RBMS3: variants seen among roughly 807,000 people sequenced by gnomAD.
RBMS3 encodes RNA-binding motif, single-stranded-interacting protein 3.
Under a neutral mutation model 66.8 loss-of-function variants are expected in RBMS3, and 27 were observed. The ratio of observed to expected loss-of-function variants is 0.40; its 90% CI spans 0.30 to 0.56. RBMS3 has a LOEUF of 0.56. Among genes scored for constraint, RBMS3 ranks in the 20% least tolerant of loss-of-function variants. RBMS3 has a pLI of 0.40. For missense variants in RBMS3, 513 were observed against 549.5 expected, an observed-to-expected ratio of 0.93 and a Z score of 0.66; for synonymous variants, 188 against 183.0, an observed-to-expected ratio of 1.03 and a Z score of -0.22.
intron 6 of RBMS3, among the ~76,000 whole-genome samples, chr3:29,780,776 A>G (rs1184633017): frequency 6.6e-6 from 1 of 152,118 alleles, no homozygotes; most frequent in Non-Finnish European, 1.5e-5. Context: ...AATCCTTATA[A>G]TACATCTTAT....
At chr3:29,326,312 T>C (rs998710692) in intron 1 of RBMS3, among the ~76,000 whole-genome samples, 1 of 152,160 alleles carries the variant, frequency 6.6e-6, no homozygotes, top group East Asian at 1.9e-4. Context: ...ACCTGTTCTT[T>C]CCCCAAATTA....
At chr3:29,921,360 T>C (rs2149655611) in intron 10 of RBMS3, among the ~76,000 whole-genome samples, 1 of 151,658 alleles carries the variant, frequency 6.6e-6, no homozygotes, top group Non-Finnish European at 1.5e-5. Flanking sequence ...CCGCAGCACC[T>C]GGTTTAGTTT....
intron 10 of RBMS3, among the ~76,000 whole-genome samples, chr3:29,934,519 A>G (rs2061215701): frequency 6.6e-6 from 1 of 152,174 alleles, no homozygotes; most frequent in Admixed American, 6.6e-5. Flanking sequence ...AGCAGAAAGA[A>G]AAGTGATGTG....
intron 1 of RBMS3, among the ~76,000 whole-genome samples, chr3:29,392,528 T>C (rs1182616195): frequency 6.6e-6 from 1 of 152,196 alleles, no homozygotes; most frequent in Admixed American, 6.5e-5. Context: ...AATTAATACA[T>C]TAATGAAATA....
intron 14 of RBMS3, 23 bp from the exon 15 acceptor site, chr3:30,003,833 C>G: frequency 7.1e-7 from 1 of 1,417,550 alleles, no homozygotes; most frequent in Non-Finnish European, 9.3e-7. Flanking sequence ...TTAATGACCA[C>G]TCTTATTCAA....
intron 14 of RBMS3, 94 bp downstream of exon 14, chr3:29,991,303 A>T: frequency 6.4e-7 from 1 of 1,555,024 alleles, no homozygotes; most frequent in Non-Finnish European, 8.7e-7. Flanking sequence ...CTGAAATATA[A>T]ACCATCCCAA....
intron 4 of RBMS3, among the ~76,000 whole-genome samples, chr3:29,736,988 T>C (rs1251284932): frequency 6.6e-6 from 1 of 151,910 alleles, no homozygotes; most frequent in East Asian, 1.9e-4. Context: ...CACAAAGTGT[T>C]TTTTTTTTGA....
intron 5 of RBMS3, among the ~76,000 whole-genome samples, chr3:29,752,262 G>A (rs935088765): frequency 1.3e-5 from 2 of 152,274 alleles, no homozygotes; most frequent in Middle Eastern, 3.4e-3. Flanking sequence ...AAGTCAAGCT[G>A]CTTCTTTCTA....
At chr3:29,826,231 T>C (rs1365989546) in intron 6 of RBMS3, among the ~76,000 whole-genome samples, 2 of 152,198 alleles carry the variant, frequency 1.3e-5, no homozygotes, top group African/African-American at 2.4e-5. Flanking sequence ...TTGCAACTTA[T>C]GCCTTTATAA....
At chr3:29,427,803 C>T (rs574077526) in intron 1 of RBMS3, among the ~76,000 whole-genome samples, 2 of 152,188 alleles carry the variant, frequency 1.3e-5, no homozygotes, top group South Asian at 4.1e-4. Context: ...ACTCCAAAAC[C>T]ACCAGACCAA....
chr3:29,697,932 C>G (rs895491644), intron 4 of RBMS3, among the ~76,000 whole-genome samples: 1 of 152,262 alleles, frequency 6.6e-6, no homozygotes, highest in Non-Finnish European at 1.5e-5. Context: ...TAAGTACTCT[C>G]CTGCCTGATA....
At chr3:29,680,796 C>T (rs539235425) in intron 4 of RBMS3, among the ~76,000 whole-genome samples, 1 of 152,260 alleles carries the variant, frequency 6.6e-6, no homozygotes, top group African/African-American at 2.4e-5. Context: ...CACTTCTAAA[C>T]ATTCAGCATG....
chr3:29,880,639 G>A, intron 7 of RBMS3: 1 of 706,118 alleles, frequency 1.4e-6, no homozygotes, highest in South Asian at 1.7e-5. Flanking sequence ...GTGTATCCAA[G>A]TGTTAGTTAT....
chr3:29,701,808 C>T (rs1030422986), intron 4 of RBMS3, among the ~76,000 whole-genome samples: 6 of 151,718 alleles, frequency 4.0e-5, no homozygotes, highest in Non-Finnish European at 7.4e-5. Context: ...TGTCTCCCAG[C>T]GGGGCAGGGC....
chr3:29,899,666 A>G (rs1055829989), intron 9 of RBMS3, 39 bp from the exon 10 acceptor site: 6 of 1,590,322 alleles, frequency 3.8e-6, no homozygotes, highest in Non-Finnish European at 5.2e-6. Context: ...AGTTCTCTCT[A>G]TGATTGCTTT....
intron 2 of RBMS3, among the ~76,000 whole-genome samples, chr3:29,465,313 T>C (rs12636760): frequency 0.22 from 33,101 of 152,130 alleles, 4,058 homozygotes; most frequent in Admixed American, 0.29. Flanking sequence ...GTGTAATGCT[T>C]GAGCATTAGT....
chr3:29,807,648 G>C (rs922668125), intron 6 of RBMS3, among the ~76,000 whole-genome samples: 3 of 151,848 alleles, frequency 2.0e-5, no homozygotes, highest in Non-Finnish European at 4.4e-5. Context: ...CATTTAAAAA[G>C]AAATGAGATG....
At chr3:29,364,559 T>C (rs2037788606) in intron 1 of RBMS3, among the ~76,000 whole-genome samples, 1 of 152,148 alleles carries the variant, frequency 6.6e-6, no homozygotes, top group Non-Finnish European at 1.5e-5. Flanking sequence ...TATATGAAGG[T>C]AACTAGCAGC....
chr3:29,881,936 C>G (rs996427072), intron 7 of RBMS3, among the ~76,000 whole-genome samples: 1 of 152,054 alleles, frequency 6.6e-6, no homozygotes, highest in Non-Finnish European at 1.5e-5. Context: ...CTATAAGTCC[C>G]CAGGACTTAA....
Sources: allele counts gnomAD v4.1 joint callset (sites outside exome capture counted in the v4.1 genomes callset), GRCh38; gene constraint gnomAD v4.1.1; transcripts MANE v1.5; gene names NCBI Gene and HGNC (gene_info 2026-07-23, HGNC 2026-07-21).